PPM1B: variants seen among roughly 807,000 people sequenced by gnomAD.
PPM1B encodes the protein protein phosphatase 1B.
A neutral mutation model predicts 43.0 loss-of-function variants in PPM1B; 22 were observed. That is an observed-to-expected ratio of 0.51 (90% CI 0.37 to 0.73). PPM1B has a LOEUF of 0.73. PPM1B is among the 30% of genes least tolerant of loss of function. The pLI, the probability that PPM1B is intolerant of heterozygous loss-of-function variation, is 0.00. For missense variants in PPM1B, 632 were observed against 584.2 expected (o/e 1.08, Z -0.84); for synonymous variants, 217 against 197.9 (o/e 1.10, Z -0.81).
At chr2:44,213,278 A>G (rs578092326) in intron 3 of PPM1B, among the ~76,000 whole-genome samples, 1 of 151,456 alleles carries the variant, frequency 6.6e-6, no homozygotes, top group Non-Finnish European at 1.5e-5. Flanking sequence ...TATCATACCA[A>G]GCTCTTCCAC....
chr2:44,201,438 C>T lies in PPM1B; in HGVS notation c.239C>T (p.Thr80Ile). The change falls in exon 2 of 6, where the codon ACT (threonine) becomes ATT (isoleucine). Residue 80 changes from threonine (T) to isoleucine (I), a missense_variant. Physicochemically the swap from Thr to Ile is moderately conservative, Grantham distance 89. Around this residue, in one of 3 missense-constraint regions of PPM1B, gnomAD observed 200 missense variants for 200.7 expected, o/e 1.00. Transcript: ENST00000282412. The surrounding 1 kb of genome is among the most constrained non-coding windows in gnomAD (Gnocchi z 5.4). Reference protein sequence around the residue: ...YCSTHLLEHITTNEDFRAAGK... With the variant: ...YCSTHLLEHIITNEDFRAAGK... ...TCAACACATTTATTAGAACACATCACTACTAACGAAGACTTTAGGGCAGCT... is the reference window on the plus strand; with the variant it reads ...TCAACACATTTATTAGAACACATCATTACTAACGAAGACTTTAGGGCAGCT... The T allele has an allele frequency of 6.2e-7, 1 of 1,614,178 alleles. No individual in the cohort carries two copies. The highest frequency in any genetic ancestry group is 8.5e-7 in the Non-Finnish European group (1 of 1,180,036).
downstream of PPM1B, chr2:44,233,859 G>A (rs577290082): frequency 3.0e-6 from 3 of 985,502 alleles, no homozygotes; most frequent in South Asian, 4.7e-5. Context: ...ACATGATGAT[G>A]TGAAAAGCTG....
chr2:44,180,692 C>T (rs1667833148), intron 1 of PPM1B, among the ~76,000 whole-genome samples: 1 of 151,800 alleles, frequency 6.6e-6, no homozygotes, highest in Non-Finnish European at 1.5e-5. Flanking sequence ...CTCACTGCAG[C>T]CTTAAACTTC....
intron 5 of PPM1B, among the ~76,000 whole-genome samples, chr2:44,240,302 T>C (rs1670718259): frequency 6.8e-6 from 1 of 146,340 alleles, no homozygotes; most frequent in Non-Finnish European, 1.5e-5. Flanking sequence ...GTTTCTGTTG[T>C]ACATTTACAT....
intron 1 of PPM1B, among the ~76,000 whole-genome samples, chr2:44,188,421 G>T (rs866638269): frequency 6.9e-6 from 1 of 144,344 alleles, no homozygotes. Flanking sequence ...TTTGAGACAG[G>T]GTCTTGCTTT....
At chr2:44,199,554 G>A (rs1021070235) in intron 1 of PPM1B, among the ~76,000 whole-genome samples, 1 of 152,112 alleles carries the variant, frequency 6.6e-6, no homozygotes, top group Non-Finnish European at 1.5e-5. Context: ...ATCTTTTAAA[G>A]TTGCCTTTCA....
chr2:44,241,996 G>A (rs1000692935), intron 5 of PPM1B, among the ~76,000 whole-genome samples: 2 of 150,614 alleles, frequency 1.3e-5, no homozygotes, highest in African/African-American at 2.4e-5. Flanking sequence ...GTAGCTGGGA[G>A]TACAGGCACC....
chr2:44,234,300 C>CACGA (rs999128955), downstream of PPM1B: 2 of 824,650 alleles, frequency 2.4e-6, no homozygotes, highest in African/African-American at 3.7e-5. Flanking sequence ...GCGGGTGGAT[C>CACGA]ACGAGGTCAA....
chr2:44,196,572 T>G (rs141039375), intron 1 of PPM1B, among the ~76,000 whole-genome samples: 4 of 152,216 alleles, frequency 2.6e-5, no homozygotes, highest in Admixed American at 2.6e-4. Flanking sequence ...TCCACCCTTA[T>G]GGGGTGGGAA....
Position 44,202,021 on chromosome 2 carries a change from G to C in PPM1B, c.822G>C (p.Trp274Cys). 1 of 1,591,348 alleles carries C rather than the reference G, an allele frequency of 6.3e-7. No individual in the cohort carries two copies. Among genetic ancestry groups the C allele is most frequent in the Non-Finnish European group, 8.6e-7 (1 of 1,169,146 alleles). ...ATGACCTGGAAAATGTGTGCAATTG[G>C]GTAGTGGACACTTGTTTACACAAGG... ...VSDDLENVCN[W>C]VVDTCLHKGS... Residue 274 changes from tryptophan (W) to cysteine (C), a missense_variant, in exon 2 of 6, where the codon TGG becomes TGC. Trp to Cys is a radical substitution (Grantham distance 215). Coordinates refer to ENST00000282412, the MANE Select transcript of PPM1B (RefSeq NM_002706.6).
chr2:44,175,020 C>T (rs973709753), intron 1 of PPM1B, among the ~76,000 whole-genome samples: 5 of 152,018 alleles, frequency 3.3e-5, no homozygotes, highest in Admixed American at 6.6e-5. Context: ...TTTGGGAGGC[C>T]GAGGTGGGCG....
At chr2:44,246,746 T>C (rs904248084), downstream of PPM1B, among the ~76,000 whole-genome samples, 2 of 152,166 alleles carry the variant, frequency 1.3e-5, no homozygotes, top group Non-Finnish European at 2.9e-5. Context: ...TTGGTGTTGG[T>C]TTTTGCTTGT....
At position 44,241,469 on chromosome 2, in the gene PPM1B, C is replaced by T. The variant is rs1244785700; in HGVS notation, n.1547-2759C>T. ...CTTCAAGGCCAGGCTCGGTGGCTCA[C>T]ACCTGTAATCCCGGCACTATGGGAG... On this transcript the variant is annotated intron_variant and non_coding_transcript_variant, in intron 5 of 5. Coordinates refer to the PPM1B transcript ENST00000378540. Among the ~76,000 whole-genome samples the T allele has an allele frequency of 4.2e-5, 6 of 143,892 alleles. No individual in the cohort carries two copies. In the East Asian group the frequency reaches 1.3e-3, roughly 31 times the overall value. The allele number at this position is 143,892 out of a possible 152,430, so 94.4% of individuals were successfully genotyped here. A position where few individuals can be genotyped will look rare whatever the true frequency, so the allele number is the denominator to read the frequency against.
chr2:44,233,070 G>C (rs1438785778), downstream of PPM1B: 3 of 981,472 alleles, frequency 3.1e-6, no homozygotes, highest in African/African-American at 5.3e-5. Context: ...TTTATAATTT[G>C]CTTTGACATC....
intron 1 of PPM1B, among the ~76,000 whole-genome samples, chr2:44,198,551 T>C (rs1668771256): frequency 6.6e-6 from 1 of 152,226 alleles, no homozygotes; most frequent in Admixed American, 6.5e-5. Flanking sequence ...AGTTAATGTT[T>C]GTGAAGCATT....
intron 1 of PPM1B, among the ~76,000 whole-genome samples, chr2:44,179,224 C>T (rs1667739927): frequency 1.3e-5 from 2 of 152,322 alleles, no homozygotes; most frequent in South Asian, 2.1e-4. Context: ...ATCATGAGGC[C>T]TCCCTGGCCA....
intron 1 of PPM1B, among the ~76,000 whole-genome samples, chr2:44,183,210 C>T (rs1364816393): frequency 6.6e-6 from 1 of 152,124 alleles, no homozygotes; most frequent in Non-Finnish European, 1.5e-5. Flanking sequence ...ATTGCTTTGT[C>T]TGGGGGAGGA....
intron 1 of PPM1B, among the ~76,000 whole-genome samples, chr2:44,178,922 A>C (rs372406903): frequency 3.9e-4 from 59 of 152,384 alleles, no homozygotes; most frequent in African/African-American, 1.3e-3. Context: ...GATTCAATAT[A>C]TAAACAATGA....
chr2:44,223,692 T>A (rs111762858), intron 5 of PPM1B, among the ~76,000 whole-genome samples: 1 of 151,178 alleles, frequency 6.6e-6, no homozygotes, highest in Non-Finnish European at 1.5e-5. Flanking sequence ...GGTGGGCGCC[T>A]GTAGTCTCAG....
Sources: gnomAD v4.1 joint callset for allele counts (sites outside exome capture counted in the v4.1 genomes callset) on GRCh38, gnomAD v4.1.1 for gene constraint, gnomAD v4.1.1 regional missense constraint, Gnocchi (gnomAD v3.1) non-coding constraint, MANE v1.5 for transcripts, NCBI Gene and HGNC (gene_info 2026-07-23, HGNC 2026-07-21) for gene names.